ODAD3: variants seen among roughly 807,000 people sequenced by gnomAD.
The protein encoded by ODAD3 is outer dynein arm-docking complex subunit 3.
A neutral mutation model predicts 70.9 loss-of-function variants in ODAD3; 57 were observed. The ratio of observed to expected loss-of-function variants is 0.80; its 90% CI spans 0.65 to 1.00. The LOEUF is 1.00. ODAD3 is among the 50% of genes least tolerant of loss of function. ODAD3 has a pLI of 0.00. For synonymous variants in ODAD3, 327 were observed against 315.9 expected (o/e 1.04, Z -0.37); for missense variants, 797 against 763.9 (o/e 1.04, Z -0.51).
Position 11,420,770 on chromosome 19 carries a change from C to A in ODAD3, c.*65G>T. On this transcript the variant is annotated 3_prime_UTR_variant, in exon 13 of 13. Coordinates refer to ENST00000356392, the MANE Select transcript of ODAD3 (RefSeq NM_145045.5). ...CAGCCCCTGAAGGGGCCCCGTGGGG[C>A]CTGCGCTAGACCCGGAGGGATCGGG... is the stretch of plus-strand genomic sequence containing the variant. The A allele has an allele frequency of 2.1e-6, 3 of 1,448,290 alleles. No individual in the cohort carries two copies. The South Asian group carries it at 3.4e-5, about 17-fold the overall frequency. 89.7% of individuals were successfully genotyped at this position (1,448,290 alleles called of 1,614,324 possible). A position where few individuals can be genotyped will look rare whatever the true frequency, so the allele number is the denominator to read the frequency against.
At chr19:11,435,180 C>T (rs1969644648), upstream of ODAD3, 1 of 1,429,822 alleles carries the variant, frequency 7.0e-7, no homozygotes, top group East Asian at 2.5e-5. Flanking sequence ...TAACCGCCTC[C>T]CCGTCTCTCT....
At position 11,431,161 on chromosome 19, in the gene ODAD3, C is replaced by G. The variant is rs141336005; in HGVS notation, c.245-141G>C. On this transcript the variant is annotated intron_variant, in intron 1 of 12. Transcript: ENST00000356392. ...AGTTTCACTCTTGTTGCCCAGGCTG[C>G]AGTGCAATGGTGCAATCTCGGCTCA... 14,995 of 1,090,448 alleles carry G rather than the reference C, an allele frequency of 0.014. 385 individuals carry two copies. Among genetic ancestry groups the G allele is most frequent in the African/African-American group, 0.097 (6,114 of 62,886 alleles). 67.5% of individuals were successfully genotyped at this position (1,090,448 alleles called of 1,614,324 possible).
chr19:11,427,156 T>C (rs757751122), intron 3 of ODAD3, 116 bp from the exon 4 acceptor site: 6 of 1,160,658 alleles, frequency 5.2e-6, no homozygotes, highest in Admixed American at 5.8e-5. Flanking sequence ...CTCTCCCGTT[T>C]TCTACCCACC....
chr19:11,420,930 C>T lies in ODAD3; in HGVS notation c.1693G>A (p.Glu565Lys), dbSNP rs1316519856. 1 of 1,613,820 alleles carries T rather than the reference C, an allele frequency of 6.2e-7. No individual in the cohort carries two copies. The highest frequency in any genetic ancestry group is 8.5e-7 in the Non-Finnish European group (1 of 1,179,976). The part of the protein sequence containing the change: ...DKFFDEESEE[E>K]DNEVVTRASL... Reference sequence around the variant, plus strand: ...GCGCGGGTCACTACCTCGTTGTCCTCCTCCTCACTCTCTTCGTCTAAGGGG... The same window carrying T: ...GCGCGGGTCACTACCTCGTTGTCCTTCTCCTCACTCTCTTCGTCTAAGGGG... Residue 565 changes from glutamate (E) to lysine (K), a missense_variant, in exon 13 of 13, where the codon GAG becomes AAG. Glu to Lys is a moderately conservative substitution (Grantham distance 56). Transcript: ENST00000356392.
chr19:11,425,315 A>G (rs1408280351), intron 7 of ODAD3, among the ~76,000 whole-genome samples: 3 of 134,480 alleles, frequency 2.2e-5, no homozygotes, highest in African/African-American at 3.3e-5. Context: ...ATGTGTACAT[A>G]TGTGTATATG....
At position 11,422,687 on chromosome 19, in the gene ODAD3, C is replaced by T. The variant is rs763520573; in HGVS notation, c.1277+14G>A. ...GCCCGCCCCGCCGCCCTCCCCAGAG[C>T]CCCGGTGCCTCACCTCACCAGCGTG... On this transcript the variant is annotated intron_variant, in intron 9 of 12. Transcript: ENST00000356392. This position sits in a 1 kb window ranked among gnomAD's most constrained non-coding sequence, Gnocchi z 4.6. The T allele has an allele frequency of 1.9e-6, 3 of 1,610,824 alleles. No homozygotes were observed. The highest frequency in any genetic ancestry group is 4.5e-5 in the East Asian group (2 of 44,862).
rs1969380256 is a variant in ODAD3 at position 11,426,576 on chromosome 19, G to A, written c.715-5C>T. The A allele has an allele frequency of 6.2e-7, 1 of 1,614,032 alleles. No individual in the cohort carries two copies. ...CTCCAAGTTGAGGCTCTCGTCCTGGGGCGTGGTGGGGAGGGGTAGCGGAGA... is the reference window on the plus strand; with the variant it reads ...CTCCAAGTTGAGGCTCTCGTCCTGGAGCGTGGTGGGGAGGGGTAGCGGAGA... On this transcript the variant is annotated splice_region_variant and splice_polypyrimidine_tract_variant and intron_variant, in intron 5 of 12. Coordinates refer to ENST00000356392, the MANE Select transcript of ODAD3 (RefSeq NM_145045.5).
Position 11,430,986 on chromosome 19 carries a change from C to T in ODAD3, c.279G>A (p.Gln93=), listed in dbSNP as rs1969491830. The T allele has an allele frequency of 1.2e-6, 2 of 1,614,106 alleles. No homozygotes were observed. The highest frequency in any genetic ancestry group is 2.2e-5 in the South Asian group (2 of 91,078). The change falls in exon 2 of 13, where the codon CAG becomes CAA. Residue 93 remains glutamine (Q), a synonymous_variant. Coordinates refer to ENST00000356392, the MANE Select transcript of ODAD3 (RefSeq NM_145045.5). ...TCTCCTGGTTCTTCTTGATGTTCCA[C>T]TGAGAGCTCTCAAAAAAAGCCTTCC... The part of the protein sequence containing the change: ...GDRKAFFESS[Q]WNIKKNQETI...
intron 1 of ODAD3, among the ~76,000 whole-genome samples, chr19:11,434,061 A>G (rs1969570001): frequency 2.0e-5 from 3 of 151,992 alleles, no homozygotes; most frequent in African/African-American, 7.2e-5. Context: ...TACTAAAAAT[A>G]TAAAAATTAG....
intron 7 of ODAD3, among the ~76,000 whole-genome samples, chr19:11,425,113 G>GTA (rs1568348899): frequency 1.5e-5 from 2 of 132,924 alleles, no homozygotes; most frequent in African/African-American, 3.4e-5. Context: ...GTATATATGT[G>GTA]TATATGTACA....
rs1343841438 is a variant in ODAD3 at position 11,423,006 on chromosome 19, T to C, written c.1117-145A>G. On this transcript the variant is annotated intron_variant, in intron 8 of 12. Coordinates refer to ENST00000356392, the MANE Select transcript of ODAD3 (RefSeq NM_145045.5). ...TGCACAGCAATGTATGGGGACACTGTGGGTTGGACGCAGGGTTGCTTCAAG... is the reference window on the plus strand; with the variant it reads ...TGCACAGCAATGTATGGGGACACTGCGGGTTGGACGCAGGGTTGCTTCAAG... 14 of 883,038 alleles carry C rather than the reference T, an allele frequency of 1.6e-5. No individual in the cohort carries two copies. In the Admixed American group the frequency reaches 2.8e-4, roughly 18 times the overall value. 54.7% of individuals were successfully genotyped at this position (883,038 alleles called of 1,614,324 possible). A position where few individuals can be genotyped will look rare whatever the true frequency, so the allele number is the denominator to read the frequency against.
intron 7 of ODAD3, 23 bp from the exon 8 acceptor site, chr19:11,424,052 G>C: frequency 6.3e-7 from 1 of 1,596,626 alleles, no homozygotes; most frequent in Non-Finnish European, 8.5e-7. Flanking sequence ...TGAGGTCAGA[G>C]CCAGGGTCAG....
chr19:11,424,032 G>T lies in ODAD3; in HGVS notation c.964-3C>A. The T allele has an allele frequency of 6.2e-7, 1 of 1,606,418 alleles. No homozygotes were observed. The highest frequency in any genetic ancestry group is 8.5e-7 in the Non-Finnish European group (1 of 1,178,932). The stretch of plus-strand genomic sequence containing the variant: ...AGCAGCAGGTGCTCGCGGTGGGTCT[G>T]CTCGTGGGTTGAGGTCAGAGCCAGG... On this transcript the variant is annotated splice_region_variant and splice_polypyrimidine_tract_variant and intron_variant, in intron 7 of 12. Transcript: ENST00000356392.
chr19:11,434,811 G>A lies in ODAD3; in HGVS notation c.206C>T (p.Ser69Phe), dbSNP rs769978640. The stretch of plus-strand genomic sequence containing the variant: ...CTTTTTATGTAACTCAGCCACCTGA[G>A]AGTGCACAGAGGGCTTCCCTGCACC... ...HRGAGKPSVH[S>F]QVAELHKKIQ... The change falls in exon 1 of 13, where the codon TCT becomes TTT. Residue 69 changes from serine to phenylalanine, a missense_variant. Physicochemically the swap from Ser to Phe is radical, Grantham distance 155 (BLOSUM62 -2). Coordinates refer to ENST00000356392, the MANE Select transcript of ODAD3 (RefSeq NM_145045.5). 9.9e-6 allele frequency: 16 copies of A among 1,613,928 alleles called. No homozygotes were observed. In the South Asian group the frequency reaches 1.1e-4, roughly 11 times the overall value.
chr19:11,423,835 T>TGGGGGGGGGGGGG (rs57892201), intron 8 of ODAD3, 42 bp downstream of exon 8: 1 of 892,392 alleles, frequency 1.1e-6, no homozygotes, highest in Non-Finnish European at 1.5e-6. Context: ...CCGTCTGGGG[T>TGGGGGGGGGGGGG]GGGGGGGGGG....
At chr19:11,427,364 G>C (rs562852441) in intron 3 of ODAD3, among the ~76,000 whole-genome samples, 1 of 150,600 alleles carries the variant, frequency 6.6e-6, no homozygotes, top group East Asian at 2.0e-4. Context: ...GTGCAATCTC[G>C]GCTCACTGCA....
At chr19:11,435,468 T>C (rs573539287), upstream of ODAD3, 87 of 362,000 alleles carry the variant, frequency 2.4e-4, no homozygotes, top group African/African-American at 1.8e-3. Context: ...CATTAAGAGC[T>C]AGCCCTCAGA....
In ODAD3 at chr19:11,422,727, C is replaced by T; in HGVS notation, c.1251G>A (p.Lys417=). The part of the protein sequence containing the change: ...QQLQRELEDL[K]YSGEATLVSQ... ...TCACCAGCGTGGCCTCCCCCGAGTACTTGAGGTCTTCCAGCTCCCGCTGCA... is the reference window on the plus strand; with the variant it reads ...TCACCAGCGTGGCCTCCCCCGAGTATTTGAGGTCTTCCAGCTCCCGCTGCA... Residue 417 remains lysine (K), a synonymous_variant, in exon 9 of 13, where the codon AAG becomes AAA. Coordinates refer to ENST00000356392, the MANE Select transcript of ODAD3 (RefSeq NM_145045.5). This position sits in a 1 kb window ranked among gnomAD's most constrained non-coding sequence, Gnocchi z 4.6. 15 of 1,612,810 alleles carry T rather than the reference C, an allele frequency of 9.3e-6. 1 individual carries two copies. Among genetic ancestry groups the T allele is most frequent in the South Asian group, 2.2e-5 (2 of 91,086 alleles).
At position 11,426,169 on chromosome 19, in the gene ODAD3, A is replaced by C; in HGVS notation, c.938T>G (p.Leu313Arg). ...CTTGCGCTCCATGCGCTCGTTCTCC[A>C]GTTTCTTCTCCTCGGCGCGCTTCTT... is the stretch of plus-strand genomic sequence containing the variant. Reference protein sequence around the residue: ...ECKKRAEEKKLENERMERKTH... With the variant: ...ECKKRAEEKKRENERMERKTH... The change falls in exon 7 of 13, where the codon CTG becomes CGG. Residue 313 changes from leucine (L) to arginine (R), a missense_variant. Coordinates refer to ENST00000356392, the MANE Select transcript of ODAD3 (RefSeq NM_145045.5). 6.2e-7 allele frequency: 1 copy of C among 1,611,976 alleles called. No homozygotes were observed. Among genetic ancestry groups the C allele is most frequent in the Non-Finnish European group, 8.5e-7 (1 of 1,179,338 alleles).
Sources: allele counts gnomAD v4.1 joint callset (sites outside exome capture counted in the v4.1 genomes callset), GRCh38; gene constraint gnomAD v4.1.1; non-coding constraint Gnocchi (gnomAD v3.1); transcripts MANE v1.5; gene names NCBI Gene and HGNC (gene_info 2026-07-23, HGNC 2026-07-21).